SRD5A1: variants seen among roughly 807,000 people sequenced by gnomAD.
SRD5A1 encodes 3-oxo-5-alpha-steroid 4-dehydrogenase 1.
Under a neutral mutation model 28.2 loss-of-function variants are expected in SRD5A1, and 22 were observed. That is an observed-to-expected ratio of 0.78 (90% confidence interval 0.56 to 1.12). SRD5A1 has a LOEUF of 1.12. SRD5A1 is among the 50% of genes most tolerant of loss of function. The pLI is 0.00. For missense variants in SRD5A1, 300 were observed against 346.7 expected, an observed-to-expected ratio of 0.87 and a Z score of 1.07; for synonymous variants, 151 against 135.0, an observed-to-expected ratio of 1.12 and a Z score of -0.82.
intron 1 of SRD5A1, among the ~76,000 whole-genome samples, chr5:6,647,923 G>A (rs1738555001): frequency 6.6e-6 from 1 of 152,240 alleles, no homozygotes; most frequent in East Asian, 1.9e-4. Flanking sequence ...TCCTTTCCAT[G>A]TTTAGTGCTT....
rs193236247 is a variant in SRD5A1 at position 6,662,686 on chromosome 5, T to A, written c.563-130T>A. 3.2e-5 allele frequency: 33 copies of A among 1,027,388 alleles called. No homozygotes were observed. In the East Asian group the frequency reaches 7.3e-4, roughly 23 times the overall value. 63.6% of individuals were successfully genotyped at this position (1,027,388 alleles called of 1,614,324 possible). A position where few individuals can be genotyped will look rare whatever the true frequency, so the allele number is the denominator to read the frequency against. ...GTAACGCTGGATATGTCTTACTGATTAACATTCTGTAAGGATAATATTTTT... is the reference window on the plus strand; with the variant it reads ...GTAACGCTGGATATGTCTTACTGATAAACATTCTGTAAGGATAATATTTTT... On this transcript the variant is annotated intron_variant, in intron 3 of 4. Transcript: ENST00000274192.
At position 6,638,848 on chromosome 5, in the gene SRD5A1, C is replaced by T. The variant is rs577906083; in HGVS notation, c.293+4979C>T. 1.8e-4 allele frequency among the ~76,000 whole-genome samples: 28 copies of T among 152,280 alleles called. No homozygotes were observed. The South Asian group carries it at 5.2e-3, about 28-fold the overall frequency. Reference sequence around the variant, plus strand: ...AAAGGCTAGGTGAAAGGAACAGACCCAAATCTAGGAAGTGCCATAGATTTC... The same window carrying T: ...AAAGGCTAGGTGAAAGGAACAGACCTAAATCTAGGAAGTGCCATAGATTTC... On this transcript the variant is annotated intron_variant, in intron 1 of 4. Coordinates refer to ENST00000274192, the MANE Select transcript of SRD5A1 (RefSeq NM_001047.4).
In SRD5A1 at chr5:6,668,561, T is replaced by C. The variant is rs1561007679; in HGVS notation, c.*293T>C. The C allele has an allele frequency of 3.8e-6, 1 of 265,802 alleles. No individual in the cohort carries two copies. Among genetic ancestry groups the C allele is most frequent in the Non-Finnish European group, 7.1e-6 (1 of 140,422 alleles). The allele number at this position is 265,802 out of a possible 1,614,324, so 16.5% of individuals were successfully genotyped here. On this transcript the variant is annotated 3_prime_UTR_variant, in exon 5 of 5. Coordinates refer to ENST00000274192, the MANE Select transcript of SRD5A1 (RefSeq NM_001047.4). ...CCTCTTTTGGCTATGTCTTGCCAAG[T>C]GTGTATGAGACTAGACTTTACAACT...
rs1738045362 is a variant in SRD5A1 at position 6,633,526 on chromosome 5, T to A, written c.-51T>A. On this transcript the variant is annotated 5_prime_UTR_variant, in exon 1 of 5. An upstream start codon of the reference 5' UTR is lost. Transcript: ENST00000274192. ...CCTGCCCCCGCGCCGCCGCCCTATA[T>A]GTTGCCCGCCGCGGCCTCTGGGGCA... 7.0e-7 allele frequency: 1 copy of A among 1,425,058 alleles called. No homozygotes were observed. The highest frequency in any genetic ancestry group is 9.1e-7 in the Non-Finnish European group (1 of 1,098,590). The allele number at this position is 1,425,058 out of a possible 1,614,324, so 88.3% of individuals were successfully genotyped here. A position where few individuals can be genotyped will look rare whatever the true frequency, so the allele number is the denominator to read the frequency against.
At chr5:6,652,109 C>A (rs1314451185) in intron 2 of SRD5A1, 101 bp downstream of exon 2, 5 of 1,333,916 alleles carry the variant, frequency 3.7e-6, no homozygotes, top group African/African-American at 1.5e-5. Flanking sequence ...CCTGTGAGAA[C>A]AAAGACAACA....
intron 1 of SRD5A1, among the ~76,000 whole-genome samples, chr5:6,649,380 G>C (rs1738599997): frequency 6.6e-6 from 1 of 152,160 alleles, no homozygotes; most frequent in Non-Finnish European, 1.5e-5. Flanking sequence ...TGCCCAGTTC[G>C]AACTTCCTGG....
chr5:6,634,026 C>T (rs1050545116), intron 1 of SRD5A1, among the ~76,000 whole-genome samples, 157 bp downstream of exon 1: 2 of 152,156 alleles, frequency 1.3e-5, no homozygotes, highest in Non-Finnish European at 2.9e-5. Flanking sequence ...GCACGGGTGC[C>T]CTTCCCCGAG....
chr5:6,644,672 C>A, intron 1 of SRD5A1: 2 of 362,460 alleles, frequency 5.5e-6, no homozygotes, highest in South Asian at 2.1e-5. Context: ...GCCTCCTGTT[C>A]TGGTTGACAA....
chr5:6,652,084 A>G (rs1293952587), intron 2 of SRD5A1, 76 bp downstream of exon 2: 2 of 1,454,398 alleles, frequency 1.4e-6, no homozygotes, highest in Non-Finnish European at 1.9e-6. Context: ...GTTTCTAATG[A>G]GAAAGTCCAA....
intron 4 of SRD5A1, among the ~76,000 whole-genome samples, chr5:6,664,130 T>C (rs990072624): frequency 6.6e-6 from 1 of 152,192 alleles, no homozygotes; most frequent in Non-Finnish European, 1.5e-5. Flanking sequence ...CTATGTCCCC[T>C]GAGCCACCCA....
Position 6,662,975 on chromosome 5 carries a change from TA to T in SRD5A1, c.713+13del. On this transcript the variant is annotated intron_variant, in intron 4 of 4. Coordinates refer to ENST00000274192, the MANE Select transcript of SRD5A1 (RefSeq NM_001047.4). ...GCAAAAGAGCATCATGAGTAAGTTTTAAAACACTTTTACCATTTGTAATTTG... is the reference window on the plus strand; with the variant it reads ...GCAAAAGAGCATCATGAGTAAGTTTTAAACACTTTTACCATTTGTAATTTG... 1 of 1,613,746 alleles carries T rather than the reference TA, an allele frequency of 6.2e-7. No individual in the cohort carries two copies. The highest frequency in any genetic ancestry group is 8.5e-7 in the Non-Finnish European group (1 of 1,179,786).
intron 3 of SRD5A1, among the ~76,000 whole-genome samples, chr5:6,662,178 C>T (rs1353726126): frequency 2.0e-5 from 3 of 152,208 alleles, no homozygotes; most frequent in African/African-American, 4.8e-5. Flanking sequence ...AGCCTTGAAT[C>T]GACCCTCACC....
intron 3 of SRD5A1, among the ~76,000 whole-genome samples, chr5:6,658,324 A>T (rs972668762): frequency 6.6e-6 from 1 of 151,926 alleles, no homozygotes; most frequent in African/African-American, 2.4e-5. Flanking sequence ...GACTCTGTCT[A>T]AAAAAAATAA....
rs573036369 is a variant in SRD5A1 at position 6,650,686 on chromosome 5, C to T, written c.294-1156C>T. Among the ~76,000 whole-genome samples, 286 of 150,304 alleles carry T rather than the reference C, an allele frequency of 1.9e-3. 5 individuals are homozygous for T. The highest frequency in any genetic ancestry group is 6.7e-3 in the African/African-American group (272 of 40,808). The stretch of plus-strand genomic sequence containing the variant: ...CTTTAAGTTTTAGGGTACATGTGCA[C>T]ATTGTGCAGGTTAGTTACATATGTA... On this transcript the variant is annotated intron_variant, in intron 1 of 4. Transcript: ENST00000274192.
In SRD5A1 at chr5:6,670,548, T is replaced by C. The variant is rs1181962006; in HGVS notation, c.*2280T>C. On this transcript the variant is annotated 3_prime_UTR_variant, in exon 5 of 5. Coordinates refer to ENST00000274192, the MANE Select transcript of SRD5A1 (RefSeq NM_001047.4). ...CTCCAAGGCCAGCGGTGCATGCATT[T>C]GTGCATTCAACAACATTTGCCAAGC... The C allele has an allele frequency of 6.6e-6, 1 of 152,264 alleles. No individual in the cohort carries two copies. The highest frequency in any genetic ancestry group is 1.5e-5 in the Non-Finnish European group (1 of 68,072). The allele number at this position is 152,264 out of a possible 1,614,324, so 9.4% of individuals were successfully genotyped here.
intron 2 of SRD5A1, among the ~76,000 whole-genome samples, chr5:6,652,211 TC>T (rs1396106823): frequency 6.6e-6 from 1 of 152,016 alleles, no homozygotes. Context: ...CTGGGCACCT[TC>T]CCCCGCACGG....
chr5:6,659,163 G>T (rs1738919528), intron 3 of SRD5A1, among the ~76,000 whole-genome samples: 1 of 151,472 alleles, frequency 6.6e-6, no homozygotes, highest in South Asian at 2.1e-4. Flanking sequence ...ACCCAGGCTG[G>T]AGTGCAGTGG....
At chr5:6,649,802 C>T (rs1484522223) in intron 1 of SRD5A1, among the ~76,000 whole-genome samples, 1 of 152,182 alleles carries the variant, frequency 6.6e-6, no homozygotes, top group African/African-American at 2.4e-5. Context: ...AGCCAGTTAC[C>T]TCAGTTGGAA....
rs137881142 is a variant in SRD5A1 at position 6,671,193 on chromosome 5, G to A, written c.*2925G>A. The A allele has an allele frequency of 1.9e-3, 291 of 152,198 alleles. No homozygotes were observed. Among genetic ancestry groups the A allele is most frequent in the African/African-American group, 6.8e-3 (281 of 41,530 alleles). 9.4% of individuals were successfully genotyped at this position (152,198 alleles called of 1,614,324 possible). On this transcript the variant is annotated 3_prime_UTR_variant, in exon 5 of 5. Coordinates refer to ENST00000274192, the MANE Select transcript of SRD5A1 (RefSeq NM_001047.4). ...CTGTTTTTTGATTTTTTTGGTTATG[G>A]CCGTTCTTGCAGGAGTAAGGGGGTA...
Sources: allele counts gnomAD v4.1 joint callset (sites outside exome capture counted in the v4.1 genomes callset), GRCh38; gene constraint gnomAD v4.1.1; transcripts MANE v1.5; gene names NCBI Gene and HGNC (gene_info 2026-07-23, HGNC 2026-07-21).